ST18: variants seen among roughly 807,000 people sequenced by gnomAD.
ST18 encodes the protein ST18 C2H2C-type zinc finger transcription factor.
A neutral mutation model predicts 110.0 loss-of-function variants in ST18; 50 were observed. The observed-to-expected ratio is 0.45, with a 90% CI of 0.36 to 0.58. ST18 has a LOEUF of 0.58. Ranked by LOEUF, ST18 falls within the 20% of genes least tolerant of loss-of-function variation. ST18 has a pLI of 0.00. For missense variants in ST18, 1,306 were observed against 1,280.1 expected (o/e 1.02, Z -0.31); for synonymous variants, 461 against 452.4 (o/e 1.02, Z -0.24).
intron 2 of ST18, among the ~76,000 whole-genome samples, chr8:52,302,641 T>C (rs1411820075): frequency 1.3e-5 from 2 of 152,174 alleles, no homozygotes; most frequent in Admixed American, 1.3e-4. Flanking sequence ...CTGAACATTT[T>C]GTAGTGTGAA....
intron 2 of ST18, among the ~76,000 whole-genome samples, chr8:52,234,325 C>T: frequency 6.6e-6 from 1 of 152,038 alleles, no homozygotes; most frequent in Non-Finnish European, 1.5e-5. Context: ...AGTGCAGTGG[C>T]TCAATCTCGG....
chr8:52,167,096 T>C, intron 10 of ST18, 110 bp from the exon 11 acceptor site: 5 of 1,392,972 alleles, frequency 3.6e-6, no homozygotes, highest in Non-Finnish European at 2.9e-6. Context: ...TTTACCGTTA[T>C]AAACATTCTT....
In ST18 at chr8:52,113,359, T is replaced by A. The variant is rs1002756700; in HGVS notation, c.3004-21A>T. ...GGTCCCTAAATGGAGACAAAACACATTGACCCAATCACAGTGGTTCAGGCT... is the reference window on the plus strand; with the variant it reads ...GGTCCCTAAATGGAGACAAAACACAATGACCCAATCACAGTGGTTCAGGCT... On this transcript the variant is annotated intron_variant, in intron 25 of 25. Coordinates refer to ENST00000689386, the MANE Select transcript of ST18 (RefSeq NM_001352837.2). 1.7e-5 allele frequency: 27 copies of A among 1,612,352 alleles called. No homozygotes were observed. In the African/African-American group the frequency reaches 3.6e-4, roughly 22 times the overall value.
At chr8:52,140,956 T>G (rs951291007) in intron 17 of ST18, among the ~76,000 whole-genome samples, 2 of 152,154 alleles carry the variant, frequency 1.3e-5, no homozygotes, top group African/African-American at 4.8e-5. Flanking sequence ...GGAAAAGGTG[T>G]CTGGCTGGCC....
intron 2 of ST18, among the ~76,000 whole-genome samples, chr8:52,306,866 T>C (rs1330559677): frequency 1.3e-5 from 2 of 152,182 alleles, no homozygotes; most frequent in African/African-American, 4.8e-5. Flanking sequence ...CCACAGTAAC[T>C]TTTGCACCAA....
rs187807893 is a variant in ST18 at position 52,139,659 on chromosome 8, T to C, written c.2169-2176A>G. Among the ~76,000 whole-genome samples, 145 of 148,770 alleles carry C rather than the reference T, an allele frequency of 9.7e-4. 1 individual carries two copies. The highest frequency in any genetic ancestry group is 3.1e-3 in the African/African-American group (127 of 40,850). On this transcript the variant is annotated intron_variant, in intron 17 of 25. Transcript: ENST00000689386. ...GCATGAGCCACCGCGCCCGGCCTAT[T>C]TTATATTTTTAAATTACTCCGATTA...
intron 2 of ST18, among the ~76,000 whole-genome samples, chr8:52,345,859 C>G (rs1038871213): frequency 6.6e-6 from 1 of 152,152 alleles, no homozygotes; most frequent in Admixed American, 6.5e-5. Flanking sequence ...TGCCCAGAAT[C>G]TTCAGCCAGA....
At chr8:52,381,115 C>G (rs1272638880) in intron 2 of ST18, among the ~76,000 whole-genome samples, 2 of 152,196 alleles carry the variant, frequency 1.3e-5, no homozygotes, top group Non-Finnish European at 2.9e-5. Context: ...TTGCTGAAGC[C>G]TAAATATCTC....
intron 2 of ST18, among the ~76,000 whole-genome samples, chr8:52,357,640 A>G (rs1209255338): frequency 2.2e-5 from 3 of 138,882 alleles, no homozygotes; most frequent in Non-Finnish European, 4.7e-5. Flanking sequence ...AACAATTATA[A>G]ACATATTTAC....
At chr8:52,227,871 T>C (rs2090016989) in intron 3 of ST18, among the ~76,000 whole-genome samples, 1 of 152,206 alleles carries the variant, frequency 6.6e-6, no homozygotes, top group African/African-American at 2.4e-5. Context: ...TGGGCTGATG[T>C]AGGCTCATGG....
In ST18 at chr8:52,118,443, T is replaced by C; in HGVS notation, c.2756-2A>G. ...TAATTTCTTCATCACTCTCTATTCC[T>C]GTAAAGAGTAAGACTACCTTAGTTC... On this transcript the variant is annotated splice_acceptor_variant, in intron 23 of 25. Coordinates refer to ENST00000689386, the MANE Select transcript of ST18 (RefSeq NM_001352837.2). LOFTEE classifies it high-confidence loss of function. 1 of 1,568,608 alleles carries C rather than the reference T, an allele frequency of 6.4e-7. No homozygotes were observed. The highest frequency in any genetic ancestry group is 1.1e-5 in the South Asian group (1 of 87,642).
chr8:52,285,082 G>A (rs2095446479), intron 2 of ST18, among the ~76,000 whole-genome samples: 1 of 152,210 alleles, frequency 6.6e-6, no homozygotes, highest in African/African-American at 2.4e-5. Flanking sequence ...AGGCTGAATA[G>A]TTGTTTGTGG....
chr8:52,251,059 G>A (rs767699471), intron 2 of ST18, among the ~76,000 whole-genome samples: 6 of 152,078 alleles, frequency 3.9e-5, no homozygotes, highest in Admixed American at 1.3e-4. Flanking sequence ...AATGATTAAC[G>A]TGGCAGAGAA....
chr8:52,161,616 G>GTTT, intron 13 of ST18, 48 bp from the exon 14 acceptor site: 3 of 1,592,918 alleles, frequency 1.9e-6, no homozygotes, highest in Non-Finnish European at 2.6e-6. Flanking sequence ...TGAAACTACT[G>GTTT]GTGAGCACAT....
Position 52,132,018 on chromosome 8 carries a change from C to T in ST18, c.2606G>A (p.Cys869Tyr). The change falls in exon 22 of 26, where the codon TGT becomes TAT. Residue 869 changes from cysteine (C) to tyrosine (Y), a missense_variant. By Grantham distance (194) the Cys-to-Tyr change is radical (BLOSUM62 -2). Coordinates refer to ENST00000689386, the MANE Select transcript of ST18 (RefSeq NM_001352837.2). ...CAGCCCATTGCAGCCTGGCAAGGGACAATGTGGTAGCTCTTGTTTGTTCAG... is the reference window on the plus strand; with the variant it reads ...CAGCCCATTGCAGCCTGGCAAGGGATAATGTGGTAGCTCTTGTTTGTTCAG... ...WKLNKQELPH[C>Y]PLPGCNGLGH... is the part of the protein sequence containing the mutation. 1 of 1,614,210 alleles carries T rather than the reference C, an allele frequency of 6.2e-7. No homozygotes were observed. Among genetic ancestry groups the T allele is most frequent in the Non-Finnish European group, 8.5e-7 (1 of 1,180,040 alleles).
chr8:52,122,445 T>C lies in ST18; in HGVS notation c.2755+3607A>G, dbSNP rs567082271. Among the ~76,000 whole-genome samples the C allele has an allele frequency of 3.7e-4, 56 of 152,126 alleles. 1 individual carries two copies. Among genetic ancestry groups the C allele is most frequent in the African/African-American group, 1.2e-3 (48 of 41,566 alleles). ...CAATTCTATTATATTTCAAACAAAT[T>C]CTATTATATTTCTTGAGTGAACTTC... On this transcript the variant is annotated intron_variant, in intron 23 of 25. Transcript: ENST00000689386.
Position 52,357,676 on chromosome 8 carries a change from AATATATATATATATATATATATAT to A in ST18, c.-465+51628_-465+51651del, listed in dbSNP as rs71252934. ...ACATAACAAATCCCCAAAATCTATA[AATATATATATATATATATATATAT>A]ATATATATATATATATATATATATA... On this transcript the variant is annotated intron_variant, in intron 2 of 25. Coordinates refer to ENST00000689386, the MANE Select transcript of ST18 (RefSeq NM_001352837.2). 9.7e-3 allele frequency among the ~76,000 whole-genome samples: 372 copies of A among 38,454 alleles called. 7 individuals carry two copies. The highest frequency in any genetic ancestry group is 0.043 in the Middle Eastern group (2 of 46). 25.2% of individuals were successfully genotyped at this position (38,454 alleles called of 152,430 possible). A position where few individuals can be genotyped will look rare whatever the true frequency, so the allele number is the denominator to read the frequency against.
intron 2 of ST18, among the ~76,000 whole-genome samples, chr8:52,360,394 G>A (rs887970967): frequency 1.3e-5 from 2 of 151,802 alleles, no homozygotes; most frequent in African/African-American, 4.8e-5. Context: ...TGTGAGGTAC[G>A]CTTCATTCAG....
At chr8:52,155,686 AGT>A (rs1199614994) in intron 15 of ST18, among the ~76,000 whole-genome samples, 1 of 152,126 alleles carries the variant, frequency 6.6e-6, no homozygotes, top group Non-Finnish European at 1.5e-5. Flanking sequence ...ATATTTTTAG[AGT>A]GTGTAGGAAA....
Sources: gnomAD v4.1 joint callset for allele counts (sites outside exome capture counted in the v4.1 genomes callset) on GRCh38, gnomAD v4.1.1 for gene constraint, MANE v1.5 for transcripts, NCBI Gene and HGNC (gene_info 2026-07-23, HGNC 2026-07-21) for gene names.